Variants in NDUFAF5 observed in about 807,000 individuals in gnomAD.
The protein encoded by NDUFAF5 is arginine-hydroxylase NDUFAF5, mitochondrial.
In NDUFAF5, 34 loss-of-function variants were observed where a neutral mutation model predicts 48.9. That is an observed-to-expected ratio of 0.70 (90% CI 0.53 to 0.93). The LOEUF (loss-of-function observed/expected upper bound fraction) is 0.93, where lower values mean the gene tolerates loss of function less well. Among genes scored for constraint, NDUFAF5 ranks in the 40% least tolerant of loss-of-function variants. The pLI is 0.00. For synonymous variants in NDUFAF5, 153 were observed against 150.6 expected (o/e 1.02, Z -0.12); for missense variants, 428 against 427.5 (o/e 1.00, Z -0.01).
rs781759926 is a variant in NDUFAF5 at position 13,788,610 on chromosome 20, T to A, written c.285T>A (p.Asp95Glu). 1.9e-6 allele frequency: 3 copies of A among 1,612,096 alleles called. No homozygotes were observed. Among genetic ancestry groups the A allele is most frequent in the African/African-American group, 1.3e-5 (1 of 74,894 alleles). ...TTAGAAATTTCCCCCTTGCTTTGGA[T>A]CTTGGTTGTGGAAGAGGTTACATTG... The part of the protein sequence containing the change: ...DIPRNFPLAL[D>E]LGCGRGYIAQ... The change falls in exon 3 of 11, where the codon GAT becomes GAA. Residue 95 changes from aspartate (D) to glutamate (E), a missense_variant. Transcript: ENST00000378106.
intron 7 of NDUFAF5, among the ~76,000 whole-genome samples, chr20:13,808,330 CAATTGTTCATTTGAGAAACA>C (rs578105672): frequency 2.6e-5 from 4 of 152,232 alleles, no homozygotes; most frequent in African/African-American, 9.6e-5. Flanking sequence ...AGTCATTACC[CAATTGTTCATTTGAGAAACA>C]AACTCCACAT....
Position 13,785,240 on chromosome 20 carries a change from T to TGGGCAGCC in NDUFAF5, c.173_180dup (p.Arg61GlyfsTer14). 6.2e-7 allele frequency: 1 copy of TGGGCAGCC among 1,612,956 alleles called. No individual in the cohort carries two copies. On this transcript the variant is annotated frameshift_variant, in exon 1 of 11. Transcript: ENST00000378106. LOFTEE classifies it high-confidence loss of function. ...GGATTTGAAAAGGAAACAGAAGAAC[T>TGGGCAGCC]GGGCAGCCCGGCAGCCCGAGCCGAC...
chr20:13,806,897 C>T (rs1394652536), intron 7 of NDUFAF5, among the ~76,000 whole-genome samples: 1 of 152,130 alleles, frequency 6.6e-6, no homozygotes, highest in Non-Finnish European at 1.5e-5. Flanking sequence ...ACGAAGTCTC[C>T]TCTTCCTGAC....
At chr20:13,811,382 G>A (rs188741930) in intron 8 of NDUFAF5, among the ~76,000 whole-genome samples, 78 of 152,182 alleles carry the variant, frequency 5.1e-4, no homozygotes, top group Non-Finnish European at 1.8e-4. Context: ...GGCAGAGGTG[G>A]TGTGATGGAG....
chr20:13,799,840 A>G (rs1042211927), intron 6 of NDUFAF5, among the ~76,000 whole-genome samples: 1 of 152,172 alleles, frequency 6.6e-6, no homozygotes, highest in Non-Finnish European at 1.5e-5. Context: ...AGGACTCTAC[A>G]AGGAAAGAAT....
At chr20:13,796,403 G>A (rs183975266) in intron 5 of NDUFAF5, among the ~76,000 whole-genome samples, 7 of 152,294 alleles carry the variant, frequency 4.6e-5, no homozygotes, top group African/African-American at 1.7e-4. Context: ...CTTGCTATTT[G>A]CAGGTGACTA....
intron 5 of NDUFAF5, 100 bp downstream of exon 5, chr20:13,795,041 C>T: frequency 1.2e-6 from 1 of 806,244 alleles, no homozygotes; most frequent in Non-Finnish European, 2.1e-6. Context: ...GCCTGTAATG[C>T]TAGCACTTTG....
intron 7 of NDUFAF5, among the ~76,000 whole-genome samples, chr20:13,804,899 G>T (rs1984773337): frequency 6.6e-6 from 1 of 152,178 alleles, no homozygotes; most frequent in Admixed American, 6.5e-5. Context: ...TGTGGTGGTG[G>T]TGTTCATAAA....
At chr20:13,788,080 C>T (rs1253588657) in intron 2 of NDUFAF5, among the ~76,000 whole-genome samples, 1 of 152,164 alleles carries the variant, frequency 6.6e-6, no homozygotes, top group Non-Finnish European at 1.5e-5. Flanking sequence ...GCTTCAGACA[C>T]TTAGCACAGT....
At chr20:13,799,207 G>C (rs1235895932) in intron 6 of NDUFAF5, among the ~76,000 whole-genome samples, 3 of 152,170 alleles carry the variant, frequency 2.0e-5, no homozygotes, top group African/African-American at 7.2e-5. Flanking sequence ...TTGAGTGTCA[G>C]GTTGAGGAAT....
rs752315751 is a variant in NDUFAF5 at position 13,787,331 on chromosome 20, A to G, written c.242A>G (p.Asp81Gly). ...CTTCAGGTTGGAAGTCGGATCGCAG[A>G]CCGTGTATATGACATACCCAGGTAA... ...LKEEVGSRIA[D>G]RVYDIPRNFP... The change falls in exon 2 of 11, where the codon GAC (aspartate) becomes GGC (glycine). Residue 81 changes from aspartate to glycine, a missense_variant. By Grantham distance (94) the Asp-to-Gly change is moderately conservative. Transcript: ENST00000378106. The G allele has an allele frequency of 9.9e-6, 16 of 1,614,026 alleles. 1 individual carries two copies. In the South Asian group the frequency reaches 1.6e-4, roughly 17 times the overall value.
intron 3 of NDUFAF5, among the ~76,000 whole-genome samples, chr20:13,792,801 A>G (rs1982511270): frequency 6.6e-6 from 1 of 152,186 alleles, no homozygotes; most frequent in Non-Finnish European, 1.5e-5. Flanking sequence ...TCTACCTGTA[A>G]GTCTTTCTTT....
rs776626159 is a variant in NDUFAF5 at position 13,817,390 on chromosome 20, G to C, written c.*180G>C. The C allele has an allele frequency of 1.6e-5, 11 of 696,458 alleles. No individual in the cohort carries two copies. Among genetic ancestry groups the C allele is most frequent in the South Asian group, 1.5e-4 (10 of 67,282 alleles). The allele number at this position is 696,458 out of a possible 1,614,324, so 43.1% of individuals were successfully genotyped here. ...ACCATTTCAGTTTCATATTGTTTCT[G>C]TTCTCATAAGGATACTGCTGAGTGT... is the stretch of plus-strand genomic sequence containing the variant. On this transcript the variant is annotated 3_prime_UTR_variant, in exon 11 of 11. Coordinates refer to ENST00000378106, the MANE Select transcript of NDUFAF5 (RefSeq NM_024120.5).
At chr20:13,809,844 T>A (rs1416909725) in intron 8 of NDUFAF5, among the ~76,000 whole-genome samples, 1 of 152,198 alleles carries the variant, frequency 6.6e-6, no homozygotes, top group African/African-American at 2.4e-5. Flanking sequence ...AATTTTGCAG[T>A]TCCTGCTGGT....
chr20:13,808,777 C>A, intron 7 of NDUFAF5, 65 bp from the exon 8 acceptor site: 1 of 1,161,080 alleles, frequency 8.6e-7, no homozygotes, highest in Admixed American at 1.8e-5. Flanking sequence ...TCTGCGGCCT[C>A]TTTTTTAAAT....
At chr20:13,794,439 C>G (rs1276226904) in intron 4 of NDUFAF5, among the ~76,000 whole-genome samples, 2 of 152,180 alleles carry the variant, frequency 1.3e-5, no homozygotes, top group African/African-American at 4.8e-5. Flanking sequence ...GCCACCACGT[C>G]CAGCTAATTT....
At chr20:13,815,228 A>G (rs1001468641) in intron 8 of NDUFAF5, among the ~76,000 whole-genome samples, 3 of 152,202 alleles carry the variant, frequency 2.0e-5, no homozygotes, top group Admixed American at 6.5e-5. Context: ...GACTCTTCCA[A>G]TGTGAGACCC....
intron 7 of NDUFAF5, among the ~76,000 whole-genome samples, chr20:13,806,847 G>GT (rs1354223353): frequency 1.3e-5 from 2 of 152,120 alleles, no homozygotes; most frequent in African/African-American, 4.8e-5. Context: ...GAAGAGTAAG[G>GT]TATATATAGA....
chr20:13,802,216 A>G (rs1984271534), intron 7 of NDUFAF5, among the ~76,000 whole-genome samples: 1 of 152,168 alleles, frequency 6.6e-6, no homozygotes, highest in Non-Finnish European at 1.5e-5. Flanking sequence ...CCCATGGGCA[A>G]TCAGTGAGTA....
Sources: allele counts gnomAD v4.1 joint callset (sites outside exome capture counted in the v4.1 genomes callset), GRCh38; gene constraint gnomAD v4.1.1; transcripts MANE v1.5; gene names NCBI Gene and HGNC (gene_info 2026-07-23, HGNC 2026-07-21).